NOL4: variants seen among roughly 807,000 people sequenced by gnomAD.
NOL4 encodes nucleolar protein 4, also known as cancer/testis antigen 125.
A neutral mutation model predicts 75.9 loss-of-function variants in NOL4; 17 were observed. That is an observed-to-expected ratio of 0.22 (90% CI 0.15 to 0.34). The LOEUF is 0.34. Ranked by LOEUF, NOL4 falls within the 10% of genes least tolerant of loss-of-function variation. The probability of loss-of-function intolerance (pLI) is 1.00; values close to 1 mark genes in which losing one functional copy is unlikely to be tolerated. For missense variants in NOL4, 614 were observed against 793.5 expected, an observed-to-expected ratio of 0.77 and a Z score of 2.72; for synonymous variants, 292 against 289.9, an observed-to-expected ratio of 1.01 and a Z score of -0.07.
At chr18:34,119,371 C>T (rs1027070237) in intron 2 of NOL4, among the ~76,000 whole-genome samples, 2 of 152,180 alleles carry the variant, frequency 1.3e-5, no homozygotes, top group Non-Finnish European at 2.9e-5. Context: ...CCCATACTCC[C>T]TGGTGGAGGA....
chr18:34,151,494 G>T (rs2081635363), intron 1 of NOL4, among the ~76,000 whole-genome samples: 1 of 151,750 alleles, frequency 6.6e-6, no homozygotes. Flanking sequence ...CTGACCTTCT[G>T]GAAGAAGGCA....
chr18:34,047,368 C>T (rs1017840846), intron 5 of NOL4, among the ~76,000 whole-genome samples: 2 of 151,786 alleles, frequency 1.3e-5, no homozygotes, highest in African/African-American at 4.8e-5. Flanking sequence ...GGAAACAATC[C>T]CAGTTTCTAA....
At chr18:34,119,094 A>G (rs1342770979) in intron 2 of NOL4, among the ~76,000 whole-genome samples, 1 of 152,230 alleles carries the variant, frequency 6.6e-6, no homozygotes, top group African/African-American at 2.4e-5. Context: ...ATCAGGACTC[A>G]AAAAGAAAAC....
chr18:33,942,305 A>C (rs1407452380), intron 9 of NOL4, among the ~76,000 whole-genome samples: 1 of 151,936 alleles, frequency 6.6e-6, no homozygotes. Flanking sequence ...TATTTAGTAT[A>C]TCATGTGATA....
At chr18:33,988,412 T>C (rs917833646) in intron 6 of NOL4, among the ~76,000 whole-genome samples, 6 of 152,098 alleles carry the variant, frequency 3.9e-5, no homozygotes, top group South Asian at 4.1e-4. Flanking sequence ...TGAGACCTGA[T>C]CATTTCTTTT....
At chr18:34,004,988 C>G (rs936741864) in intron 6 of NOL4, among the ~76,000 whole-genome samples, 4 of 151,994 alleles carry the variant, frequency 2.6e-5, no homozygotes. Flanking sequence ...GGCTTATTTC[C>G]TATTTGGTGC....
rs1320164486 is a variant in NOL4, at chr18:34,057,199, T to G, written c.772+36266A>C. Among the ~76,000 whole-genome samples the G allele has an allele frequency of 3.3e-5, 5 of 152,196 alleles. No homozygotes were observed. The East Asian group carries it at 9.6e-4, about 29-fold the overall frequency. ...GGGATTTTACACTGTTTGGAGTTCT[T>G]GAGAATCTAAAGAAATCTACCCCTC... On this transcript the variant is annotated intron_variant, in intron 5 of 10. Transcript: ENST00000261592.
chr18:34,037,202 A>T (rs955093035), intron 5 of NOL4, among the ~76,000 whole-genome samples: 1 of 152,124 alleles, frequency 6.6e-6, no homozygotes, highest in Non-Finnish European at 1.5e-5. Flanking sequence ...CCAAGAAATA[A>T]ACTTAACCAA....
intron 6 of NOL4, among the ~76,000 whole-genome samples, chr18:34,017,143 CT>C (rs1484827952): frequency 6.6e-6 from 1 of 152,046 alleles, no homozygotes; most frequent in Non-Finnish European, 1.5e-5. Flanking sequence ...TCTAGGAAAC[CT>C]ATTTTGACTC....
chr18:34,052,135 C>T (rs2076649239), intron 5 of NOL4, among the ~76,000 whole-genome samples: 1 of 151,878 alleles, frequency 6.6e-6, no homozygotes, highest in South Asian at 2.1e-4. Context: ...TCTAATAAAA[C>T]AAAGTGAATA....
chr18:34,057,737 C>A (rs1399564595), intron 5 of NOL4, among the ~76,000 whole-genome samples: 1 of 152,190 alleles, frequency 6.6e-6, no homozygotes, highest in Non-Finnish European at 1.5e-5. Context: ...GGGTAAGAAT[C>A]ATGCCTTATA....
intron 6 of NOL4, among the ~76,000 whole-genome samples, chr18:33,972,215 A>C (rs1021184399): frequency 6.6e-6 from 1 of 152,052 alleles, no homozygotes. Flanking sequence ...TAAATCATTT[A>C]TGGTATGCTG....
chr18:34,063,951 CAATT>C (rs2077165595), intron 5 of NOL4, among the ~76,000 whole-genome samples: 2 of 151,862 alleles, frequency 1.3e-5, no homozygotes, highest in Admixed American at 1.3e-4. Context: ...CTAGAGAAAA[CAATT>C]AACTCTATTT....
At chr18:34,080,502 T>TGAAG (rs1436221564) in intron 5 of NOL4, among the ~76,000 whole-genome samples, 3 of 152,142 alleles carry the variant, frequency 2.0e-5, no homozygotes, top group African/African-American at 7.2e-5. Context: ...CTAATTGAAA[T>TGAAG]GAAGGGCTCA....
intron 1 of NOL4, among the ~76,000 whole-genome samples, chr18:34,133,456 TA>T (rs1296671467): frequency 7.9e-5 from 12 of 151,612 alleles, no homozygotes; most frequent in African/African-American, 2.9e-4. Flanking sequence ...AAGGTAAAAA[TA>T]ATATAATATA....
intron 6 of NOL4, among the ~76,000 whole-genome samples, chr18:33,980,055 A>C (rs9961478): frequency 2.1e-4 from 32 of 152,178 alleles, no homozygotes; most frequent in African/African-American, 7.7e-4. Context: ...CTCCATCCTA[A>C]CAACTAAAAA....
At chr18:33,913,162 T>G (rs2145165956) in intron 9 of NOL4, among the ~76,000 whole-genome samples, 1 of 151,800 alleles carries the variant, frequency 6.6e-6, no homozygotes, top group Middle Eastern at 3.4e-3. Flanking sequence ...TCAAATTATC[T>G]TTCCATCAAC....
intron 6 of NOL4, among the ~76,000 whole-genome samples, chr18:33,986,059 G>C (rs2072424188): frequency 1.3e-5 from 2 of 152,040 alleles, no homozygotes; most frequent in Admixed American, 1.3e-4. Context: ...TTATTCTTTA[G>C]CCAAAGTAAA....
intron 9 of NOL4, among the ~76,000 whole-genome samples, chr18:33,896,213 A>G (rs1218440279): frequency 1.3e-5 from 2 of 152,162 alleles, no homozygotes; most frequent in Non-Finnish European, 2.9e-5. Context: ...TATCATTAAA[A>G]TGGCTCTACT....
Sources: allele counts gnomAD v4.1 joint callset (sites outside exome capture counted in the v4.1 genomes callset), GRCh38; gene constraint gnomAD v4.1.1; transcripts MANE v1.5; gene names NCBI Gene and HGNC (gene_info 2026-07-23, HGNC 2026-07-21).